The following NUDT21 variants were observed in gnomAD, a reference collection of about 807,000 sequenced individuals.
NUDT21 encodes nudix hydrolase 21, also known as cleavage and polyadenylation specificity factor subunit 5.
Under a neutral mutation model 29.8 loss-of-function variants are expected in NUDT21, and 5 were observed. The observed-to-expected ratio is 0.17, with a 90% CI of 0.09 to 0.35. NUDT21 has a LOEUF of 0.35. NUDT21 is among the 10% of genes least tolerant of loss of function. NUDT21 has a pLI of 1.00. For missense variants in NUDT21, 76 were observed against 276.0 expected (o/e 0.28, Z 5.13); for synonymous variants, 113 against 98.5 (o/e 1.15, Z -0.87).
intron 3 of NUDT21, among the ~76,000 whole-genome samples, chr16:56,441,512 C>A (rs1381211289): frequency 6.6e-6 from 1 of 152,108 alleles, no homozygotes; most frequent in Non-Finnish European, 1.5e-5. Flanking sequence ...GGATTACTGG[C>A]GTGAGCCACT....
chr16:56,446,986 TTTAGGCTTCTAGTGA>T (rs1240092316), intron 2 of NUDT21: 7 of 236,066 alleles, frequency 3.0e-5, no homozygotes, highest in African/African-American at 1.6e-4. Context: ...AATGCTAAGG[TTTAGGCTTCTAGTGA>T]ACCCATCACT....
chr16:56,434,477 T>G, intron 5 of NUDT21, 32 bp from the exon 6 acceptor site: 2 of 1,209,228 alleles, frequency 1.7e-6, no homozygotes, highest in Middle Eastern at 1.9e-4. Context: ...TATTATAAGT[T>G]ATTATATAAT....
At position 56,442,969 on chromosome 16, in the gene NUDT21, C is replaced by T. The variant is rs8052385; in HGVS notation, c.382-3223G>A. On this transcript the variant is annotated intron_variant, in intron 3 of 6. Transcript: ENST00000300291. Reference sequence around the variant, plus strand: ...CTGTTTCACAGGTGCAAAATCTCCTCTCATCTCACCAAGAATATTAATCAT... The same window carrying T: ...CTGTTTCACAGGTGCAAAATCTCCTTTCATCTCACCAAGAATATTAATCAT... Among the ~76,000 whole-genome samples, 1,103 of 152,206 alleles carry T rather than the reference C, an allele frequency of 7.2e-3. 14 individuals carry two copies. Among genetic ancestry groups the T allele is most frequent in the African/African-American group, 0.025 (1,018 of 41,530 alleles).
chr16:56,443,044 C>T (rs1011738429), intron 3 of NUDT21, among the ~76,000 whole-genome samples: 7 of 152,128 alleles, frequency 4.6e-5, no homozygotes, highest in Admixed American at 1.3e-4. Context: ...CCTTTTGCTT[C>T]TTTTGATCTT....
intron 3 of NUDT21, among the ~76,000 whole-genome samples, chr16:56,442,041 GACTA>G: frequency 6.6e-6 from 1 of 152,288 alleles, no homozygotes; most frequent in Non-Finnish European, 1.5e-5. Flanking sequence ...GAGTAGCTGG[GACTA>G]CAGATGCAAG....
At chr16:56,437,135 C>A (rs192414102) in intron 4 of NUDT21, among the ~76,000 whole-genome samples, 49 of 152,292 alleles carry the variant, frequency 3.2e-4, no homozygotes, top group Admixed American at 8.5e-4. Context: ...GTAGTGAACA[C>A]CAGCATCAGC....
intron 1 of NUDT21, among the ~76,000 whole-genome samples, chr16:56,448,824 A>C (rs1962247255): frequency 1.3e-5 from 2 of 152,184 alleles, no homozygotes; most frequent in Admixed American, 6.5e-5. Flanking sequence ...TTTAGGCCAC[A>C]TTTGCCCATC....
chr16:56,435,743 T>TATATATA (rs1491361552), intron 4 of NUDT21, among the ~76,000 whole-genome samples: 25 of 27,054 alleles, frequency 9.2e-4, no homozygotes, highest in African/African-American at 2.4e-3. Flanking sequence ...AAAAAAAAAA[T>TATATATA]TATATATATA....
At chr16:56,443,676 G>T (rs1483176881) in intron 3 of NUDT21, among the ~76,000 whole-genome samples, 1 of 152,114 alleles carries the variant, frequency 6.6e-6, no homozygotes, top group Non-Finnish European at 1.5e-5. Flanking sequence ...TTAGTTCCCT[G>T]GAGAGAGGGT....
chr16:56,444,627 A>C (rs111384662), intron 3 of NUDT21, among the ~76,000 whole-genome samples: 6,630 of 151,636 alleles, frequency 0.044, 222 homozygotes, highest in East Asian at 0.15. Flanking sequence ...AAACAAAAAA[A>C]AAAAAAAACA....
intron 1 of NUDT21, among the ~76,000 whole-genome samples, chr16:56,450,398 G>A (rs1199061608): frequency 6.6e-6 from 1 of 152,172 alleles, no homozygotes; most frequent in African/African-American, 2.4e-5. Context: ...TGGGTTTTCT[G>A]GTACAAACAT....
chr16:56,433,840 C>A (rs1457594147), intron 6 of NUDT21, among the ~76,000 whole-genome samples: 3 of 152,210 alleles, frequency 2.0e-5, no homozygotes, highest in Non-Finnish European at 2.9e-5. Context: ...GCGCTGGCCA[C>A]CACGCCTCAC....
chr16:56,446,595 TG>T, intron 3 of NUDT21, 30 bp downstream of exon 3: 1 of 1,285,504 alleles, frequency 7.8e-7, no homozygotes, highest in Non-Finnish European at 1.1e-6. Flanking sequence ...AGTAAGTTGA[TG>T]GTATTCAAAG....
chr16:56,447,713 A>G, intron 2 of NUDT21, 76 bp downstream of exon 2: 1 of 1,338,238 alleles, frequency 7.5e-7, no homozygotes, highest in South Asian at 1.2e-5. Flanking sequence ...ACCGAGGGCT[A>G]AAATTGTATT....
In NUDT21 at chr16:56,432,509, GTAAA is replaced by G; in HGVS notation, c.*199_*202del. On this transcript the variant is annotated 3_prime_UTR_variant, in exon 7 of 7. Transcript: ENST00000300291. Reference sequence around the variant, plus strand: ...CAAAAAAGTATGAGCAGAACCGAAAGTAAATAAACATTATCACATTTGTTTACAC... The same window carrying G: ...CAAAAAAGTATGAGCAGAACCGAAAGTAAACATTATCACATTTGTTTACAC... The G allele has an allele frequency of 2.4e-6, 1 of 417,598 alleles. No individual in the cohort carries two copies. The highest frequency in any genetic ancestry group is 4.4e-6 in the Non-Finnish European group (1 of 227,500). 25.9% of individuals were successfully genotyped at this position (417,598 alleles called of 1,614,324 possible).
intron 4 of NUDT21, among the ~76,000 whole-genome samples, chr16:56,438,744 G>A (rs2143937324): frequency 6.6e-6 from 1 of 151,942 alleles, no homozygotes; most frequent in East Asian, 1.9e-4. Flanking sequence ...ACAGGGGAAT[G>A]CAATCGAAAT....
chr16:56,449,808 C>T (rs112965327), intron 1 of NUDT21, among the ~76,000 whole-genome samples: 4 of 152,188 alleles, frequency 2.6e-5, no homozygotes, highest in African/African-American at 9.6e-5. Context: ...TTTGTAGAGA[C>T]AGCCTATGTT....
At chr16:56,450,934 G>C (rs1962300334) in intron 1 of NUDT21, among the ~76,000 whole-genome samples, 153 bp downstream of exon 1, 1 of 152,234 alleles carries the variant, frequency 6.6e-6, no homozygotes, top group Non-Finnish European at 1.5e-5. Context: ...TGAGAAAGGG[G>C]CCTGAGAGAG....
chr16:56,449,546 G>A (rs1185781615), intron 1 of NUDT21, among the ~76,000 whole-genome samples: 2 of 152,154 alleles, frequency 1.3e-5, no homozygotes, highest in Non-Finnish European at 2.9e-5. Flanking sequence ...GAGAGGAAAT[G>A]TACTGTAAAT....
Sources: allele counts gnomAD v4.1 joint callset (sites outside exome capture counted in the v4.1 genomes callset), GRCh38; gene constraint gnomAD v4.1.1; transcripts MANE v1.5; gene names NCBI Gene and HGNC (gene_info 2026-07-23, HGNC 2026-07-21).